Variants in DPP10 observed in about 807,000 individuals in gnomAD.
DPP10 encodes inactive dipeptidyl peptidase 10.
DPP10 carries 33 observed loss-of-function variants against 120.9 expected under a neutral mutation model. The ratio of observed to expected loss-of-function variants is 0.27; its 90% CI spans 0.21 to 0.37. DPP10 has a LOEUF of 0.37. Ranked by LOEUF, DPP10 falls within the 10% of genes least tolerant of loss-of-function variation. The pLI is 1.00. For missense variants in DPP10, 816 were observed against 942.8 expected, an observed-to-expected ratio of 0.87 and a Z score of 1.76; for synonymous variants, 337 against 326.1, an observed-to-expected ratio of 1.03 and a Z score of -0.36.
At chr2:114,705,552 A>T (rs1040367231) in intron 1 of DPP10, among the ~76,000 whole-genome samples, 2 of 152,164 alleles carry the variant, frequency 1.3e-5, no homozygotes, top group Non-Finnish European at 2.9e-5. Context: ...ATTAGTTGCC[A>T]AAAGGAAATG....
intron 5 of DPP10, among the ~76,000 whole-genome samples, chr2:115,669,788 T>C (rs1261946212): frequency 6.6e-6 from 1 of 152,112 alleles, no homozygotes; most frequent in African/African-American, 2.4e-5. Flanking sequence ...CATAGCATAA[T>C]CAAGCCTCTG....
intron 5 of DPP10, among the ~76,000 whole-genome samples, chr2:115,629,470 A>G (rs944587550): frequency 1.3e-5 from 2 of 152,118 alleles, no homozygotes; most frequent in African/African-American, 2.4e-5. Flanking sequence ...CATCCTCCCC[A>G]GCACCTGTTC....
intron 1 of DPP10, among the ~76,000 whole-genome samples, chr2:114,755,862 T>G (rs921767205): frequency 6.6e-6 from 1 of 151,996 alleles, no homozygotes; most frequent in Non-Finnish European, 1.5e-5. Context: ...TCTTTATTTT[T>G]CCTTTTAAGA....
intron 19 of DPP10, among the ~76,000 whole-genome samples, chr2:115,806,280 A>C (rs1374503808): frequency 6.6e-6 from 1 of 152,184 alleles, no homozygotes; most frequent in Non-Finnish European, 1.5e-5. Flanking sequence ...GTCAACTTTT[A>C]TAATTGTGTT....
intron 1 of DPP10, among the ~76,000 whole-genome samples, chr2:114,541,196 AC>A (rs1248949663): frequency 6.6e-5 from 10 of 152,186 alleles, no homozygotes; most frequent in African/African-American, 2.4e-4. Flanking sequence ...TTTTAAATGT[AC>A]AGGAATCTCT....
intron 1 of DPP10, among the ~76,000 whole-genome samples, chr2:114,820,870 CAT>C (rs1386337031): frequency 6.6e-6 from 1 of 152,188 alleles, no homozygotes. Flanking sequence ...TCCCAAATCT[CAT>C]GTCCTCACAT....
At chr2:115,010,381 G>T (rs1230459184) in intron 1 of DPP10, among the ~76,000 whole-genome samples, 1 of 152,116 alleles carries the variant, frequency 6.6e-6, no homozygotes, top group South Asian at 2.1e-4. Context: ...GATAAAATTT[G>T]AGAATATATG....
At chr2:115,603,372 A>G (rs1160100483) in intron 5 of DPP10, among the ~76,000 whole-genome samples, 1 of 119,764 alleles carries the variant, frequency 8.3e-6, no homozygotes, top group Non-Finnish European at 1.6e-5. Flanking sequence ...ACCCAACTCT[A>G]GTCTTCATGA....
chr2:115,541,701 A>T (rs1464992543), intron 5 of DPP10, among the ~76,000 whole-genome samples: 1 of 151,868 alleles, frequency 6.6e-6, no homozygotes, highest in African/African-American at 2.4e-5. Context: ...TTAATCATAA[A>T]TTCATTCAAT....
At chr2:115,698,369 C>T (rs1012807164) in intron 7 of DPP10, among the ~76,000 whole-genome samples, 5 of 152,134 alleles carry the variant, frequency 3.3e-5, no homozygotes, top group Admixed American at 2.0e-4. Context: ...ACAGTGTAAG[C>T]GGGAAGTAGC....
intron 2 of DPP10, among the ~76,000 whole-genome samples, chr2:115,338,722 CACAAA>C (rs781719588): frequency 5.1e-4 from 78 of 152,202 alleles, no homozygotes; most frequent in Non-Finnish European, 7.5e-4. Flanking sequence ...CATCCATAGA[CACAAA>C]ACAAAATAAA....
At chr2:114,589,046 G>GT (rs1265942040) in intron 1 of DPP10, among the ~76,000 whole-genome samples, 10 of 149,690 alleles carry the variant, frequency 6.7e-5, no homozygotes, top group Admixed American at 6.7e-4. Context: ...TTGGGGGGGG[G>GT]GGTAGGGGAC....
chr2:115,315,275 A>G (rs1404247249), intron 2 of DPP10, among the ~76,000 whole-genome samples: 2 of 151,590 alleles, frequency 1.3e-5, no homozygotes, highest in Non-Finnish European at 2.9e-5. Flanking sequence ...ACACACACAC[A>G]TACACACACA....
chr2:114,612,193 T>C (rs144034713), intron 1 of DPP10, among the ~76,000 whole-genome samples: 10 of 152,328 alleles, frequency 6.6e-5, no homozygotes, highest in East Asian at 5.8e-4. Context: ...GGTACTTTCA[T>C]TGACTCTGGC....
At chr2:114,512,112 A>T (rs1291701994) in intron 1 of DPP10, among the ~76,000 whole-genome samples, 1 of 152,232 alleles carries the variant, frequency 6.6e-6, no homozygotes, top group African/African-American at 2.4e-5. Flanking sequence ...AAGTGTAGAA[A>T]TAAGAAAATA....
chr2:115,009,595 A>G (rs914454058), intron 1 of DPP10, among the ~76,000 whole-genome samples: 4 of 151,860 alleles, frequency 2.6e-5, no homozygotes, highest in African/African-American at 4.8e-5. Flanking sequence ...AGAAAAAAAA[A>G]AAAAGAAAAG....
chr2:115,674,764 C>T (rs2090143294), intron 5 of DPP10, among the ~76,000 whole-genome samples: 1 of 152,154 alleles, frequency 6.6e-6, no homozygotes, highest in Admixed American at 6.5e-5. Context: ...AGGAACCTTA[C>T]AAATAGAGGT....
chr2:114,891,192 A>G (rs1692513414), intron 1 of DPP10, among the ~76,000 whole-genome samples: 2 of 152,218 alleles, frequency 1.3e-5, no homozygotes, highest in African/African-American at 2.4e-5. Flanking sequence ...TGGCAGCCAA[A>G]TAGCCATATA....
intron 1 of DPP10, among the ~76,000 whole-genome samples, chr2:114,709,730 G>C (rs763715547): frequency 6.6e-6 from 1 of 152,060 alleles, no homozygotes; most frequent in Non-Finnish European, 1.5e-5. Context: ...ATTTATAATT[G>C]GTGAATTGCA....
Sources: gnomAD v4.1 joint callset for allele counts (sites outside exome capture counted in the v4.1 genomes callset) on GRCh38, gnomAD v4.1.1 for gene constraint, MANE v1.5 for transcripts, NCBI Gene and HGNC (gene_info 2026-07-23, HGNC 2026-07-21) for gene names.